GPR141: variants seen among roughly 807,000 people sequenced by gnomAD.
GPR141 encodes probable G protein-coupled receptor 141.
GPR141 carries 6 observed loss-of-function variants against 6.8 expected under a neutral mutation model. The ratio of observed to expected loss-of-function variants is 0.88; its 90% CI spans 0.48 to 1.74. The LOEUF (loss-of-function observed/expected upper bound fraction) is 1.74, where lower values mean the gene tolerates loss of function less well. Ranked by LOEUF, GPR141 falls within the 40% of genes most tolerant of loss-of-function variation. The pLI, the probability that GPR141 is intolerant of heterozygous loss-of-function variation, is 0.01. For synonymous variants in GPR141, 140 were observed against 142.3 expected (o/e 0.98, Z 0.11); for missense variants, 372 against 372.9 (o/e 1.00, Z 0.02).
At chr7:37,684,655 A>G (rs539426667) in intron 1 of GPR141, among the ~76,000 whole-genome samples, 38 of 152,342 alleles carry the variant, frequency 2.5e-4, no homozygotes, top group African/African-American at 8.7e-4. Context: ...GTAATGCCTA[A>G]CCTGAATATA....
chr7:37,736,129 G>A lies in GPR141; in HGVS notation c.-14-4251G>A, dbSNP rs1045350700. On this transcript the variant is annotated intron_variant, in intron 2 of 2. Coordinates refer to ENST00000334425, the MANE Select transcript of GPR141 (RefSeq NM_001381946.1). ...AAACATTAGCCGGGTGTGGAGACCTGTAATCCCAGTTACTCGGGAGGCTGA... is the reference window on the plus strand; with the variant it reads ...AAACATTAGCCGGGTGTGGAGACCTATAATCCCAGTTACTCGGGAGGCTGA... Among the ~76,000 whole-genome samples the A allele has an allele frequency of 2.6e-5, 4 of 152,122 alleles. No individual in the cohort carries two copies. In the South Asian group the frequency reaches 8.3e-4, roughly 31 times the overall value.
At chr7:37,705,946 C>G (rs1003202347) in intron 2 of GPR141, among the ~76,000 whole-genome samples, 2 of 152,096 alleles carry the variant, frequency 1.3e-5, no homozygotes, top group Admixed American at 6.6e-5. Context: ...ACTGAACGGG[C>G]TGAGAGAGGA....
chr7:37,726,361 A>C (rs1811624199), intron 2 of GPR141, among the ~76,000 whole-genome samples: 1 of 152,224 alleles, frequency 6.6e-6, no homozygotes, highest in African/African-American at 2.4e-5. Context: ...AGTTAGGAGT[A>C]AAAAATGGGA....
At chr7:37,696,864 T>G (rs746387270) in intron 2 of GPR141, among the ~76,000 whole-genome samples, 39 of 152,302 alleles carry the variant, frequency 2.6e-4, no homozygotes, top group Non-Finnish European at 5.3e-4. Flanking sequence ...CATACTCATT[T>G]CAGATGCAGT....
intron 2 of GPR141, among the ~76,000 whole-genome samples, chr7:37,690,829 A>G (rs957675000): frequency 2.0e-5 from 3 of 151,776 alleles, no homozygotes; most frequent in Non-Finnish European, 4.4e-5. Flanking sequence ...AGTTAGGTAT[A>G]TTTCATCCAA....
chr7:37,691,986 C>A (rs1271373628), intron 2 of GPR141, among the ~76,000 whole-genome samples: 1 of 152,026 alleles, frequency 6.6e-6, no homozygotes, highest in Non-Finnish European at 1.5e-5. Flanking sequence ...GGCTGAATTG[C>A]ATGCTGTTTT....
chr7:37,700,193 C>T (rs1003517417), intron 2 of GPR141, among the ~76,000 whole-genome samples: 1 of 152,188 alleles, frequency 6.6e-6, no homozygotes, highest in Admixed American at 6.5e-5. Context: ...CTTGGATTAT[C>T]TTCTGAATCA....
At chr7:37,703,049 C>CT (rs1183374797) in intron 2 of GPR141, among the ~76,000 whole-genome samples, 6 of 151,842 alleles carry the variant, frequency 4.0e-5, no homozygotes, top group Non-Finnish European at 7.4e-5. Flanking sequence ...CCATATGTAC[C>CT]TTTAGTAAGG....
intron 2 of GPR141, among the ~76,000 whole-genome samples, chr7:37,739,415 A>G (rs1244266189): frequency 1.3e-5 from 2 of 152,112 alleles, no homozygotes; most frequent in Non-Finnish European, 2.9e-5. Context: ...TCATCTCTTG[A>G]TTATTGCTTG....
intron 2 of GPR141, among the ~76,000 whole-genome samples, chr7:37,718,455 A>G (rs977775916): frequency 1.3e-5 from 2 of 151,816 alleles, no homozygotes; most frequent in African/African-American, 4.8e-5. Flanking sequence ...GTTCGAGGCT[A>G]CAGTGAGCTA....
chr7:37,722,426 TAAAA>T (rs11323927), intron 2 of GPR141, among the ~76,000 whole-genome samples: 1 of 144,262 alleles, frequency 6.9e-6, no homozygotes, highest in Admixed American at 6.9e-5. Flanking sequence ...TTCCCTCTCT[TAAAA>T]AAAAAAAAAA....
At chr7:37,706,486 C>T (rs931773305) in intron 2 of GPR141, among the ~76,000 whole-genome samples, 3 of 152,052 alleles carry the variant, frequency 2.0e-5, no homozygotes, top group African/African-American at 7.2e-5. Context: ...TTTTTTCCAC[C>T]CTGCAGATTT....
chr7:37,713,116 G>A lies in GPR141; in HGVS notation c.-14-27264G>A, dbSNP rs75920093. Among the ~76,000 whole-genome samples, 491 of 152,312 alleles carry A rather than the reference G, an allele frequency of 3.2e-3. 6 individuals are homozygous for A. The highest frequency in any genetic ancestry group is 0.012 in the African/African-American group (479 of 41,564). ...AGCAAGTCACCTGGCCAAACACAGG[G>A]TCAAGAGGGCCAGAAGTACATTATG... On this transcript the variant is annotated intron_variant, in intron 2 of 2. Transcript: ENST00000334425.
intron 2 of GPR141, among the ~76,000 whole-genome samples, chr7:37,711,549 T>G (rs1043481258): frequency 6.6e-6 from 1 of 152,238 alleles, no homozygotes; most frequent in Non-Finnish European, 1.5e-5. Flanking sequence ...CAATTTTTCA[T>G]CATAGGTTCA....
At chr7:37,724,042 G>T (rs982624803) in intron 2 of GPR141, among the ~76,000 whole-genome samples, 2 of 152,140 alleles carry the variant, frequency 1.3e-5, no homozygotes, top group Non-Finnish European at 2.9e-5. Flanking sequence ...GGGGTGCCCT[G>T]GGTGCCTTGC....
At chr7:37,700,120 C>T (rs559382414) in intron 2 of GPR141, among the ~76,000 whole-genome samples, 4 of 152,322 alleles carry the variant, frequency 2.6e-5, no homozygotes, top group African/African-American at 9.6e-5. Context: ...ACACTTTTTC[C>T]ACTATACCTT....
At chr7:37,696,614 G>T (rs1810028314) in intron 2 of GPR141, among the ~76,000 whole-genome samples, 1 of 151,496 alleles carries the variant, frequency 6.6e-6, no homozygotes, top group South Asian at 2.1e-4. Context: ...TCATTTCTCT[G>T]TGTCATCTAG....
In GPR141 at chr7:37,741,939, G is replaced by C. The variant is rs1460331504; in HGVS notation, c.*628G>C. 6.6e-6 allele frequency among the ~76,000 whole-genome samples: 1 copy of C among 152,170 alleles called. No homozygotes were observed. Among genetic ancestry groups the C allele is most frequent in the African/African-American group, 2.4e-5 (1 of 41,440 alleles). On this transcript the variant is annotated 3_prime_UTR_variant, in exon 3 of 3. Coordinates refer to ENST00000334425, the MANE Select transcript of GPR141 (RefSeq NM_001381946.1). ...ACAAGGGTTTCTAGATTTGTCCTGT[G>C]AAAGGTCGTTTAAGGACTTGGGGAT...
chr7:37,731,765 T>C (rs1034939601), intron 2 of GPR141, among the ~76,000 whole-genome samples: 1 of 152,224 alleles, frequency 6.6e-6, no homozygotes, highest in Admixed American at 6.5e-5. Context: ...ATATATAATT[T>C]TTTTGTCCCA....
Sources: gnomAD v4.1 joint callset for allele counts (sites outside exome capture counted in the v4.1 genomes callset) on GRCh38, gnomAD v4.1.1 for gene constraint, MANE v1.5 for transcripts, NCBI Gene and HGNC (gene_info 2026-07-23, HGNC 2026-07-21) for gene names.